Variants in CHRM3 observed in about 807,000 individuals in gnomAD.
CHRM3 encodes muscarinic acetylcholine receptor M3.
In CHRM3, 11 loss-of-function variants were observed where a neutral mutation model predicts 41.8. That is an observed-to-expected ratio of 0.26 (90% CI 0.17 to 0.44). The LOEUF is 0.44. CHRM3 is among the 20% of genes least tolerant of loss of function. CHRM3 has a pLI of 1.00. For missense variants in CHRM3, 571 were observed against 745.4 expected, an observed-to-expected ratio of 0.77 and a Z score of 2.72; for synonymous variants, 297 against 301.4, an observed-to-expected ratio of 0.99 and a Z score of 0.15.
intron 2 of CHRM3, among the ~76,000 whole-genome samples, chr1:239,538,504 G>A (rs896136848): frequency 6.6e-6 from 1 of 152,138 alleles, no homozygotes; most frequent in Non-Finnish European, 1.5e-5. Context: ...AACCCAATTA[G>A]ATCATGTTGG....
intron 1 of CHRM3, among the ~76,000 whole-genome samples, chr1:239,482,704 C>T (rs940900152): frequency 3.3e-5 from 5 of 152,130 alleles, no homozygotes; most frequent in African/African-American, 7.2e-5. Flanking sequence ...TGTCTATGTT[C>T]TTTCTTAGAC....
intron 1 of CHRM3, among the ~76,000 whole-genome samples, chr1:239,443,201 T>C (rs1432476373): frequency 6.6e-6 from 1 of 152,224 alleles, no homozygotes; most frequent in Non-Finnish European, 1.5e-5. Flanking sequence ...TTTGCTCATG[T>C]GTGATTACAG....
chr1:239,630,723 A>G (rs1669721278), intron 3 of CHRM3, among the ~76,000 whole-genome samples: 1 of 152,180 alleles, frequency 6.6e-6, no homozygotes. Context: ...GCTATGTAAG[A>G]GAGGCAAGGC....
rs1668360299 is a variant in CHRM3 at position 239,503,277 on chromosome 1, G to GA, written c.-422+10473dup. Among the ~76,000 whole-genome samples, 7 of 152,220 alleles carry GA rather than the reference G, an allele frequency of 4.6e-5. No individual in the cohort carries two copies. The South Asian group carries it at 1.5e-3, about 32-fold the overall frequency. On this transcript the variant is annotated intron_variant, in intron 2 of 6. Coordinates refer to ENST00000676153, the MANE Select transcript of CHRM3 (RefSeq NM_001375978.1). ...TCTATACATCAACAGCGACCAAGCAGAAAGTCAAATCAAGAACTCAACCCC... is the reference window on the plus strand; with the variant it reads ...TCTATACATCAACAGCGACCAAGCAGAAAAGTCAAATCAAGAACTCAACCCC...
chr1:239,768,650 G>A (rs928584198), intron 5 of CHRM3, among the ~76,000 whole-genome samples: 1 of 152,148 alleles, frequency 6.6e-6, no homozygotes, highest in African/African-American at 2.4e-5. Flanking sequence ...TAGACGCTGT[G>A]GTGATTGCTC....
chr1:239,746,882 C>A (rs867980345), intron 5 of CHRM3, among the ~76,000 whole-genome samples: 1 of 151,950 alleles, frequency 6.6e-6, no homozygotes, highest in Non-Finnish European at 1.5e-5. Flanking sequence ...CTCAGCCTCC[C>A]GAGTAGCTGG....
At chr1:239,612,525 GATAA>G (rs1279140887) in intron 3 of CHRM3, among the ~76,000 whole-genome samples, 5 of 152,162 alleles carry the variant, frequency 3.3e-5, no homozygotes, top group African/African-American at 9.6e-5. Flanking sequence ...CAAATCCACA[GATAA>G]ATAGACACCG....
At chr1:239,657,834 T>G (rs550451289) in intron 4 of CHRM3, among the ~76,000 whole-genome samples, 2 of 152,328 alleles carry the variant, frequency 1.3e-5, no homozygotes, top group African/African-American at 2.4e-5. Flanking sequence ...TCACTTACTT[T>G]GTGGGCTTCA....
At chr1:239,837,712 T>G (rs1008620289) in intron 6 of CHRM3, among the ~76,000 whole-genome samples, 1 of 152,200 alleles carries the variant, frequency 6.6e-6, no homozygotes. Flanking sequence ...CCTTCAGAAT[T>G]TTATATATGG....
chr1:239,880,259 A>G (rs1281889169), intron 6 of CHRM3, among the ~76,000 whole-genome samples: 1 of 152,192 alleles, frequency 6.6e-6, no homozygotes, highest in African/African-American at 2.4e-5. Context: ...TGATCTGATG[A>G]TGGGGTTTTG....
chr1:239,826,474 T>A (rs1672473200), intron 5 of CHRM3, among the ~76,000 whole-genome samples: 1 of 152,162 alleles, frequency 6.6e-6, no homozygotes, highest in East Asian at 1.9e-4. Flanking sequence ...GTTTCAGTAT[T>A]ATGTGGCAGC....
At chr1:239,604,906 CT>C (rs1341404395) in intron 3 of CHRM3, among the ~76,000 whole-genome samples, 5 of 152,118 alleles carry the variant, frequency 3.3e-5, no homozygotes, top group Non-Finnish European at 7.4e-5. Flanking sequence ...CTCCATTTTA[CT>C]TTCTTAATCA....
At chr1:239,706,822 A>G (rs1392680938) in intron 5 of CHRM3, 1 of 152,262 alleles carries the variant, frequency 6.6e-6, no homozygotes, top group South Asian at 2.1e-4. Flanking sequence ...ACACGTATGC[A>G]TGTACACACA....
chr1:239,791,049 GAAA>G (rs35541531), intron 5 of CHRM3, among the ~76,000 whole-genome samples: 1 of 115,668 alleles, frequency 8.6e-6, no homozygotes, highest in Admixed American at 9.2e-5. Context: ...CGCTCCTGGA[GAAA>G]AAAAAAAAAA....
At chr1:239,443,220 G>A (rs1663864607) in intron 1 of CHRM3, among the ~76,000 whole-genome samples, 1 of 152,158 alleles carries the variant, frequency 6.6e-6, no homozygotes, top group African/African-American at 2.4e-5. Flanking sequence ...AGTTTTTGGT[G>A]TTCACAGAGG....
At chr1:239,431,149 A>G (rs1662803550) in intron 1 of CHRM3, among the ~76,000 whole-genome samples, 1 of 152,150 alleles carries the variant, frequency 6.6e-6, no homozygotes, top group Admixed American at 6.5e-5. Flanking sequence ...TTTATGAAAT[A>G]TTTATAGGTA....
At chr1:239,883,271 C>T (rs1256198292) in intron 6 of CHRM3, among the ~76,000 whole-genome samples, 4 of 152,134 alleles carry the variant, frequency 2.6e-5, no homozygotes, top group South Asian at 2.1e-4. Context: ...GGTTAAATGC[C>T]GCCTCATTAG....
At chr1:239,740,457 T>C (rs1459873566) in intron 5 of CHRM3, among the ~76,000 whole-genome samples, 1 of 151,306 alleles carries the variant, frequency 6.6e-6, no homozygotes, top group African/African-American at 2.4e-5. Context: ...ACATTGAGGG[T>C]GGTTTTTTTT....
At position 239,910,733 on chromosome 1, in the gene CHRM3, T is replaced by C. The variant is rs1039859328; in HGVS notation, c.*1509T>C. Reference sequence around the variant, plus strand: ...TTTCTTTTCCTGTTGCCGGGGCTGTTTGGGGAGAGGGAGGGGAGGGAGGTG... The same window carrying C: ...TTTCTTTTCCTGTTGCCGGGGCTGTCTGGGGAGAGGGAGGGGAGGGAGGTG... On this transcript the variant is annotated 3_prime_UTR_variant, in exon 7 of 7. Transcript: ENST00000676153. 12 of 165,256 alleles carry C rather than the reference T, an allele frequency of 7.3e-5. No individual in the cohort carries two copies. Among genetic ancestry groups the C allele is most frequent in the African/African-American group, 2.7e-4 (11 of 40,966 alleles). 10.2% of individuals were successfully genotyped at this position (165,256 alleles called of 1,614,324 possible).
Sources: allele counts gnomAD v4.1 joint callset (sites outside exome capture counted in the v4.1 genomes callset), GRCh38; gene constraint gnomAD v4.1.1; transcripts MANE v1.5; gene names NCBI Gene and HGNC (gene_info 2026-07-23, HGNC 2026-07-21).